The following KCNJ3 variants were observed in gnomAD, a reference collection of about 807,000 sequenced individuals.
KCNJ3 encodes G protein-activated inward rectifier potassium channel 1.
KCNJ3 carries 4 observed loss-of-function variants against 39.2 expected under a neutral mutation model. The ratio of observed to expected loss-of-function variants is 0.10; its 90% CI spans 0.05 to 0.23. The LOEUF (loss-of-function observed/expected upper bound fraction) is 0.23. KCNJ3 is among the 10% of genes least tolerant of loss of function. The pLI is 1.00. For missense variants in KCNJ3, 276 were observed against 634.9 expected, an observed-to-expected ratio of 0.43 and a Z score of 6.08; for synonymous variants, 230 against 237.4, an observed-to-expected ratio of 0.97 and a Z score of 0.29.
chr2:154,847,880 G>C (rs1194625975), intron 2 of KCNJ3, among the ~76,000 whole-genome samples: 1 of 152,094 alleles, frequency 6.6e-6, no homozygotes, highest in Admixed American at 6.6e-5. Flanking sequence ...CATTAAAACC[G>C]ATGCTTTACC....
intron 2 of KCNJ3, among the ~76,000 whole-genome samples, chr2:154,807,020 TA>T (rs1296386758): frequency 6.6e-6 from 1 of 152,176 alleles, no homozygotes; most frequent in Non-Finnish European, 1.5e-5. Flanking sequence ...TCTGTTTCCA[TA>T]ATGGTGTCAT....
intron 2 of KCNJ3, among the ~76,000 whole-genome samples, chr2:154,790,940 C>A (rs1429115677): frequency 6.6e-6 from 1 of 151,986 alleles, no homozygotes; most frequent in Non-Finnish European, 1.5e-5. Context: ...TAAGAGATTA[C>A]CAATATTTGT....
At chr2:154,722,206 C>T (rs948091194) in intron 2 of KCNJ3, among the ~76,000 whole-genome samples, 1 of 151,644 alleles carries the variant, frequency 6.6e-6, no homozygotes, top group South Asian at 2.1e-4. Context: ...TGTGCATAAA[C>T]AAACTACGTA....
At chr2:154,828,500 C>T (rs757512742) in intron 2 of KCNJ3, among the ~76,000 whole-genome samples, 4 of 152,152 alleles carry the variant, frequency 2.6e-5, no homozygotes, top group Non-Finnish European at 4.4e-5. Flanking sequence ...TTGGGTGGTG[C>T]TTTGTCGAGA....
chr2:154,747,234 A>G (rs1275208239), intron 2 of KCNJ3, among the ~76,000 whole-genome samples: 2 of 152,040 alleles, frequency 1.3e-5, no homozygotes, highest in Non-Finnish European at 2.9e-5. Flanking sequence ...TTAAGCTATT[A>G]ACAATTACTC....
intron 2 of KCNJ3, among the ~76,000 whole-genome samples, chr2:154,824,753 T>G (rs146110524): frequency 6.6e-6 from 1 of 152,266 alleles, no homozygotes; most frequent in African/African-American, 2.4e-5. Context: ...GGAAGCAGAA[T>G]CCAGCCAGAA....
chr2:154,818,855 G>GAAT (rs1687122320), intron 2 of KCNJ3, among the ~76,000 whole-genome samples: 1 of 140,230 alleles, frequency 7.1e-6, no homozygotes, highest in African/African-American at 2.6e-5. Flanking sequence ...CATTTTGTTA[G>GAAT]AATTCAGCAG....
At chr2:154,846,019 T>C (rs954691548) in intron 2 of KCNJ3, among the ~76,000 whole-genome samples, 1 of 151,726 alleles carries the variant, frequency 6.6e-6, no homozygotes, top group African/African-American at 2.4e-5. Context: ...ATGCTTCTAA[T>C]TAAAGTAATA....
chr2:154,782,126 T>C (rs1008624969), intron 2 of KCNJ3, among the ~76,000 whole-genome samples: 4 of 152,154 alleles, frequency 2.6e-5, no homozygotes, highest in African/African-American at 4.8e-5. Flanking sequence ...CAGTGATTAT[T>C]AGGAAGTCTT....
chr2:154,768,013 A>G (rs1323392031), intron 2 of KCNJ3, among the ~76,000 whole-genome samples: 1 of 151,736 alleles, frequency 6.6e-6, no homozygotes, highest in Non-Finnish European at 1.5e-5. Flanking sequence ...TATATCCTTC[A>G]CCCACTTTTT....
intron 2 of KCNJ3, among the ~76,000 whole-genome samples, chr2:154,763,449 A>G: frequency 6.7e-6 from 1 of 149,992 alleles, no homozygotes; most frequent in East Asian, 2.0e-4. Context: ...ATTACTTTTG[A>G]TGGCCTGGAG....
chr2:154,793,660 T>A (rs1353983392), intron 2 of KCNJ3, among the ~76,000 whole-genome samples: 7 of 152,050 alleles, frequency 4.6e-5, no homozygotes, highest in African/African-American at 7.2e-5. Context: ...AAATTTTAGT[T>A]TCGCCAAGTA....
intron 2 of KCNJ3, among the ~76,000 whole-genome samples, chr2:154,826,914 C>A (rs1687281990): frequency 3.3e-5 from 5 of 152,122 alleles, no homozygotes; most frequent in African/African-American, 1.2e-4. Context: ...TTTGGACTTA[C>A]TAAGTGTGTA....
chr2:154,785,222 G>A (rs565808393), intron 2 of KCNJ3, among the ~76,000 whole-genome samples: 4 of 152,292 alleles, frequency 2.6e-5, no homozygotes, highest in Non-Finnish European at 4.4e-5. Flanking sequence ...CTGTAGTAAC[G>A]AAATTCCACA....
At position 154,767,832 on chromosome 2, in the gene KCNJ3, A is replaced by G. The variant is rs140952720; in HGVS notation, c.919+58013A>G. Among the ~76,000 whole-genome samples the G allele has an allele frequency of 1.9e-3, 287 of 152,304 alleles. 5 individuals are homozygous for G. The East Asian group carries it at 0.05, about 27-fold the overall frequency. ...TGTATAAATGTTCCTATTTCTCCAC[A>G]TCCTCTCTAACACCTGTTGTTTCCT... On this transcript the variant is annotated intron_variant, in intron 2 of 2. Coordinates refer to ENST00000295101, the MANE Select transcript of KCNJ3 (RefSeq NM_002239.4).
At chr2:154,779,516 A>G (rs901036883) in intron 2 of KCNJ3, among the ~76,000 whole-genome samples, 1 of 140,624 alleles carries the variant, frequency 7.1e-6, no homozygotes, top group Non-Finnish European at 1.6e-5. Flanking sequence ...TGTTATATAT[A>G]TTTTTTATAT....
chr2:154,714,252 GA>G (rs1270065605), intron 2 of KCNJ3, among the ~76,000 whole-genome samples: 1 of 151,708 alleles, frequency 6.6e-6, no homozygotes, highest in African/African-American at 2.4e-5. Flanking sequence ...TTTCCTACTG[GA>G]AAAAAATAAA....
intron 2 of KCNJ3, among the ~76,000 whole-genome samples, chr2:154,742,167 T>TA (rs1366206003): frequency 1.3e-5 from 2 of 151,900 alleles, no homozygotes; most frequent in Non-Finnish European, 2.9e-5. Context: ...TTATTTTACC[T>TA]ACCATAATGT....
chr2:154,792,247 G>A (rs1686646827), intron 2 of KCNJ3, among the ~76,000 whole-genome samples: 1 of 152,014 alleles, frequency 6.6e-6, no homozygotes, highest in Non-Finnish European at 1.5e-5. Flanking sequence ...GTTATGCTTG[G>A]TCTCCCCATG....
Sources: allele counts gnomAD v4.1 joint callset (sites outside exome capture counted in the v4.1 genomes callset), GRCh38; gene constraint gnomAD v4.1.1; transcripts MANE v1.5; gene names NCBI Gene and HGNC (gene_info 2026-07-23, HGNC 2026-07-21).